Variants in DDX46 observed in about 807,000 individuals in gnomAD.
DDX46 encodes the protein probable ATP-dependent RNA helicase DDX46.
In DDX46, 30 loss-of-function variants were observed where a neutral mutation model predicts 134.9. That is an observed-to-expected ratio of 0.22 (90% CI 0.17 to 0.30). The LOEUF is 0.30. DDX46 is among the 10% of genes least tolerant of loss of function. The pLI is 1.00. For missense variants in DDX46, 622 were observed against 1,248.7 expected (o/e 0.50, Z 7.56); for synonymous variants, 415 against 404.1 (o/e 1.03, Z -0.32).
chr5:134,770,199 A>AT (rs368105956), intron 3 of DDX46, among the ~76,000 whole-genome samples: 8,077 of 129,782 alleles, frequency 0.062, 296 homozygotes, highest in Non-Finnish European at 0.072. Context: ...GCCTGACCAA[A>AT]TTTTTTTTTT....
chr5:134,810,084 T>A (rs1220218109), intron 16 of DDX46, among the ~76,000 whole-genome samples: 1 of 152,074 alleles, frequency 6.6e-6, no homozygotes, highest in Non-Finnish European at 1.5e-5. Flanking sequence ...TTTTGTTTTT[T>A]ACATTTTTGT....
At chr5:134,819,253 CA>C (rs1196708792) in intron 21 of DDX46, among the ~76,000 whole-genome samples, 3 of 152,296 alleles carry the variant, frequency 2.0e-5, no homozygotes, top group African/African-American at 7.2e-5. Flanking sequence ...AGAAAACTTA[CA>C]TTTTAAGGAC....
Position 134,828,946 on chromosome 5 carries a change from A to G in DDX46, c.*240A>G. 1 of 320,290 alleles carries G rather than the reference A, an allele frequency of 3.1e-6. No homozygotes were observed. Among genetic ancestry groups the G allele is most frequent in the Non-Finnish European group, 5.6e-6 (1 of 177,312 alleles). 19.8% of individuals were successfully genotyped at this position (320,290 alleles called of 1,614,324 possible). A position where few individuals can be genotyped will look rare whatever the true frequency, so the allele number is the denominator to read the frequency against. ...GATGTCCTTTAATGTAAACTCAAAT[A>G]TCAATATTTTAAATGTCCGGATAAT... On this transcript the variant is annotated 3_prime_UTR_variant, in exon 23 of 23. Coordinates refer to ENST00000452510, the MANE Select transcript of DDX46 (RefSeq NM_001300860.2).
rs1259209334 is a variant in DDX46, at chr5:134,788,563, A to G, written c.1515A>G (p.Arg505=). 4 of 1,613,982 alleles carry G rather than the reference A, an allele frequency of 2.5e-6. No individual in the cohort carries two copies. In the African/African-American group the frequency reaches 4.0e-5, roughly 16 times the overall value. ...GAEIIVCTPG[R]MIDMLAANSG... ...AAATTATTGTTTGCACACCTGGTCGAATGATTGACATGTTAGCCGCTAACA... is the reference window on the plus strand; with the variant it reads ...AAATTATTGTTTGCACACCTGGTCGGATGATTGACATGTTAGCCGCTAACA... Residue 505 remains arginine, a synonymous_variant, in exon 12 of 23, where the codon CGA becomes CGG. Coordinates refer to ENST00000452510, the MANE Select transcript of DDX46 (RefSeq NM_001300860.2).
In DDX46 at chr5:134,779,385, G is replaced by A. The variant is rs550868763; in HGVS notation, c.765+1660G>A. ...ATTTTTGTATTTTTAGTAGAGACAG[G>A]GTTTCACCATGTTGGCCATGCTGGC... On this transcript the variant is annotated intron_variant, in intron 6 of 22. Coordinates refer to ENST00000452510, the MANE Select transcript of DDX46 (RefSeq NM_001300860.2). Among the ~76,000 whole-genome samples the A allele has an allele frequency of 3.3e-5, 5 of 152,106 alleles. No homozygotes were observed. In the East Asian group the frequency reaches 9.7e-4, roughly 29 times the overall value.
At chr5:134,767,691 C>T (rs1428237434) in intron 3 of DDX46, among the ~76,000 whole-genome samples, 2 of 151,682 alleles carry the variant, frequency 1.3e-5, no homozygotes, top group African/African-American at 4.8e-5. Context: ...TGGCTGACGC[C>T]TGTAATCCTT....
At chr5:134,760,255 A>G (rs1051686458) in intron 1 of DDX46, among the ~76,000 whole-genome samples, 2 of 152,202 alleles carry the variant, frequency 1.3e-5, no homozygotes, top group African/African-American at 4.8e-5. Flanking sequence ...CTAGCCCGTC[A>G]GCCTTCTCCT....
chr5:134,814,376 G>C (rs573023734), intron 18 of DDX46, among the ~76,000 whole-genome samples: 1 of 151,764 alleles, frequency 6.6e-6, no homozygotes. Context: ...TTGTTTCTTC[G>C]GGTGTTAAAG....
At chr5:134,782,447 C>T (rs563855494) in intron 8 of DDX46, among the ~76,000 whole-genome samples, 23 of 152,110 alleles carry the variant, frequency 1.5e-4, no homozygotes, top group African/African-American at 5.5e-4. Context: ...TGAGACCATC[C>T]TGGCCAATAT....
At chr5:134,778,332 C>G (rs2150138138) in intron 6 of DDX46, among the ~76,000 whole-genome samples, 1 of 152,022 alleles carries the variant, frequency 6.6e-6, no homozygotes, top group South Asian at 2.1e-4. Flanking sequence ...CTTTGATACC[C>G]TTGATGCCCC....
chr5:134,817,506 A>T lies in DDX46; in HGVS notation c.2624A>T (p.Gln875Leu). 1 of 1,613,936 alleles carries T rather than the reference A, an allele frequency of 6.2e-7. No individual in the cohort carries two copies. Among genetic ancestry groups the T allele is most frequent in the Non-Finnish European group, 8.5e-7 (1 of 1,179,934 alleles). ...LGIESQVDVMQQATNAILRGG... is the reference protein window; with the variant it reads ...LGIESQVDVMLQATNAILRGG... ...CTTCTTTAACTACAGGATGTGATGC[A>T]GCAGGCCACCAATGCAATTCTTAGG... is the stretch of plus-strand genomic sequence containing the variant. The change falls in exon 20 of 23, where the codon CAG becomes CTG. Residue 875 changes from glutamine to leucine, a missense_variant. This residue lies in a region of DDX46 where 76 missense variants were observed against 213.0 expected (regional missense o/e 0.36). Coordinates refer to ENST00000452510, the MANE Select transcript of DDX46 (RefSeq NM_001300860.2).
intron 21 of DDX46, among the ~76,000 whole-genome samples, chr5:134,822,590 C>T (rs937084130): frequency 6.6e-6 from 1 of 152,036 alleles, no homozygotes; most frequent in East Asian, 1.9e-4. Flanking sequence ...ACTCCCACAT[C>T]GGCCTCCCAA....
intron 18 of DDX46, among the ~76,000 whole-genome samples, chr5:134,812,961 GA>G (rs1412049276): frequency 2.2e-5 from 3 of 137,634 alleles, no homozygotes; most frequent in Non-Finnish European, 3.1e-5. Flanking sequence ...TTTTTTTTTT[GA>G]GACGGAGTCT....
chr5:134,759,735 A>G (rs974573589), intron 1 of DDX46, among the ~76,000 whole-genome samples: 1 of 152,222 alleles, frequency 6.6e-6, no homozygotes, highest in Middle Eastern at 3.2e-3. Context: ...TTGAGGTACA[A>G]TTAACAATCA....
At chr5:134,791,243 T>C (rs1754494272) in intron 13 of DDX46, among the ~76,000 whole-genome samples, 1 of 152,244 alleles carries the variant, frequency 6.6e-6, no homozygotes, top group Non-Finnish European at 1.5e-5. Context: ...CCAAAGAATT[T>C]ATCTAGCTTA....
chr5:134,788,455 T>G, intron 11 of DDX46, 58 bp from the exon 12 acceptor site: 1 of 1,395,678 alleles, frequency 7.2e-7, no homozygotes, highest in Non-Finnish European at 1.0e-6. Flanking sequence ...AATGCAGTAT[T>G]TTTTAGTGTT....
At chr5:134,798,365 A>C (rs139956409) in intron 15 of DDX46, among the ~76,000 whole-genome samples, 1 of 151,784 alleles carries the variant, frequency 6.6e-6, no homozygotes, top group East Asian at 1.9e-4. Context: ...TGCCTGACTA[A>C]TTTTTTGTGT....
At chr5:134,767,192 T>C in intron 3 of DDX46, 132 bp downstream of exon 3, 1 of 1,127,610 alleles carries the variant, frequency 8.9e-7, no homozygotes, top group Non-Finnish European at 1.2e-6. Flanking sequence ...CATGAACTGT[T>C]GGCAGTGTTT....
At chr5:134,826,369 C>G (rs1755591375) in intron 21 of DDX46, 2 of 152,320 alleles carry the variant, frequency 1.3e-5, no homozygotes, top group South Asian at 4.1e-4. Flanking sequence ...CTTTCATACT[C>G]CTTTTCCAAC....
Sources: allele counts gnomAD v4.1 joint callset (sites outside exome capture counted in the v4.1 genomes callset), GRCh38; gene constraint gnomAD v4.1.1; regional missense constraint gnomAD v4.1.1; transcripts MANE v1.5; gene names NCBI Gene and HGNC (gene_info 2026-07-23, HGNC 2026-07-21).